Variants in TEX52 observed in about 807,000 individuals in gnomAD.
TEX52 encodes the protein testis expressed 52, also known as testis-expressed protein 52.
In TEX52, 22 loss-of-function variants were observed where a neutral mutation model predicts 17.6. The ratio of observed to expected loss-of-function variants is 1.25; its 90% CI spans 0.89 to 1.78. The LOEUF (loss-of-function observed/expected upper bound fraction) is 1.78, where lower values mean the gene tolerates loss of function less well. Ranked by LOEUF, TEX52 falls within the 40% of genes most tolerant of loss-of-function variation. The pLI is 0.00. For missense variants in TEX52, 396 were observed against 372.3 expected (o/e 1.06, Z -0.52); for synonymous variants, 168 against 147.4 (o/e 1.14, Z -1.01).
chr12:2,853,401 T>C (rs967164414), intron 2 of TEX52, among the ~76,000 whole-genome samples: 3 of 152,036 alleles, frequency 2.0e-5, no homozygotes, highest in Admixed American at 2.0e-4. Flanking sequence ...GCCTCCTGAG[T>C]AGCTGGGATT....
intron 2 of TEX52, among the ~76,000 whole-genome samples, chr12:2,850,693 G>A (rs1020150429): frequency 1.0e-4 from 15 of 150,390 alleles, no homozygotes; most frequent in Non-Finnish European, 2.2e-4. Flanking sequence ...GTTTTGTTGA[G>A]ACAGAGTCTC....
At chr12:2,855,959 G>A (rs779652944) in intron 1 of TEX52, among the ~76,000 whole-genome samples, 20 of 152,022 alleles carry the variant, frequency 1.3e-4, no homozygotes, top group South Asian at 2.1e-4. Context: ...TCATTTGTCC[G>A]TCACTGACGC....
chr12:2,855,207 C>G lies in TEX52; in HGVS notation c.312G>C (p.Leu104=). ...CAGGCTGGGTGGGGAAGGTGGCAGG[C>G]AGACGGCACACATCGAGCCACGTGT... ...GFHTWLDVCR[L]PATFPTQPDR... Residue 104 remains leucine, a synonymous_variant, in exon 2 of 3, where the codon CTG becomes CTC. Coordinates refer to ENST00000637658, the MANE Select transcript of TEX52 (RefSeq NM_001365174.2). The G allele has an allele frequency of 6.6e-7, 1 of 1,505,700 alleles. No individual in the cohort carries two copies. Among genetic ancestry groups the G allele is most frequent in the Non-Finnish European group, 8.9e-7 (1 of 1,128,060 alleles). 93.3% of individuals were successfully genotyped at this position (1,505,700 alleles called of 1,614,324 possible). A position where few individuals can be genotyped will look rare whatever the true frequency, so the allele number is the denominator to read the frequency against.
At chr12:2,853,349 T>G (rs1349923328) in intron 2 of TEX52, among the ~76,000 whole-genome samples, 2 of 152,012 alleles carry the variant, frequency 1.3e-5, no homozygotes, top group African/African-American at 4.8e-5. Flanking sequence ...GTTGGCTCAC[T>G]GCAACCTCCA....
At chr12:2,853,733 T>A (rs987106736) in intron 2 of TEX52, among the ~76,000 whole-genome samples, 4 of 152,156 alleles carry the variant, frequency 2.6e-5, no homozygotes, top group African/African-American at 9.7e-5. Flanking sequence ...TTGTTACTCT[T>A]GCATGCGTAG....
intron 2 of TEX52, among the ~76,000 whole-genome samples, chr12:2,853,134 G>C (rs774131695): frequency 1.1e-4 from 17 of 151,980 alleles, no homozygotes; most frequent in Middle Eastern, 3.4e-3. Flanking sequence ...AGTCTCTCTG[G>C]AGTACTCTAA....
At chr12:2,850,417 G>A (rs1162683103) in intron 2 of TEX52, among the ~76,000 whole-genome samples, 3 of 146,494 alleles carry the variant, frequency 2.0e-5, no homozygotes, top group Non-Finnish European at 4.5e-5. Flanking sequence ...GAGGTTGCAA[G>A]CAGTGAGCCC....
intron 2 of TEX52, 120 bp downstream of exon 2, chr12:2,854,776 G>C: frequency 1.8e-6 from 2 of 1,086,456 alleles, no homozygotes; most frequent in Non-Finnish European, 2.6e-6. Flanking sequence ...AAAGAGTTTG[G>C]TTTTCAGATG....
At chr12:2,848,080 C>G (rs2098058332), downstream of TEX52, among the ~76,000 whole-genome samples, 1 of 152,186 alleles carries the variant, frequency 6.6e-6, no homozygotes, top group Non-Finnish European at 1.5e-5. Context: ...AACCTGAAAG[C>G]CAGAGGGAAT....
chr12:2,848,877 G>GCGCGCA (rs1555092608), downstream of TEX52, among the ~76,000 whole-genome samples: 8 of 140,372 alleles, frequency 5.7e-5, no homozygotes, highest in African/African-American at 1.9e-4. Context: ...ACACACACAC[G>GCGCGCA]CACACACACA....
chr12:2,854,808 G>T (rs1377754230), intron 2 of TEX52, 88 bp downstream of exon 2: 9 of 1,343,656 alleles, frequency 6.7e-6, no homozygotes, highest in Admixed American at 2.5e-5. Context: ...GAAGGACAGA[G>T]TCCCGGTTAG....
At position 2,854,937 on chromosome 12, in the gene TEX52, G is replaced by A. The variant is rs200677988; in HGVS notation, c.582C>T (p.Leu194=). The A allele has an allele frequency of 1.7e-3, 2,634 of 1,535,966 alleles. 3 individuals carry two copies. The highest frequency in any genetic ancestry group is 2.0e-3 in the Non-Finnish European group (2,243 of 1,146,850). ...GCGGCTGGATGTTGCCCTGGGCATC[G>A]AGTGGGGGTGCTCTTGCCTCACTCC... is the stretch of plus-strand genomic sequence containing the variant. The part of the protein sequence containing the change: ...KLRSEARAPP[L]DAQGNIQPPA... The change falls in exon 2 of 3, where the codon CTC becomes CTT. Residue 194 remains leucine, a synonymous_variant. Transcript: ENST00000637658.
Position 2,854,968 on chromosome 12 carries a change from T to C in TEX52, c.551A>G (p.Lys184Arg). 3.3e-6 allele frequency: 5 copies of C among 1,536,222 alleles called. No individual in the cohort carries two copies. Among genetic ancestry groups the C allele is most frequent in the Non-Finnish European group, 4.4e-6 (5 of 1,146,934 alleles). The change falls in exon 2 of 3, where the codon AAG becomes AGG. Residue 184 changes from lysine (K) to arginine (R), a missense_variant. Lys to Arg is a conservative substitution (Grantham distance 26). Coordinates refer to ENST00000637658, the MANE Select transcript of TEX52 (RefSeq NM_001365174.2). The part of the protein sequence containing the change: ...VKELKEVEKL[K>R]LRSEARAPPL... ...GGGTGCTCTTGCCTCACTCCTCAAC[T>C]TGAGCTTCTCCACCTCCTTCAACTC...
Position 2,855,296 on chromosome 12 carries a change from A to G in TEX52, c.223T>C (p.Ser75Pro). Residue 75 changes from serine to proline, a missense_variant, in exon 2 of 3, where the codon TCC (serine) becomes CCC (proline). By Grantham distance (74) the Ser-to-Pro change is moderately conservative. Transcript: ENST00000637658. ...TGGATGAGCCGCTGACGCACCTTGG[A>G]CTTCATATCTGTGCAGGGCGGCAGC... ...LKLPPCTDMKSKVRQRLIHPW... is the reference protein window; with the variant it reads ...LKLPPCTDMKPKVRQRLIHPW... 1 of 1,524,266 alleles carries G rather than the reference A, an allele frequency of 6.6e-7. No individual in the cohort carries two copies. The allele number at this position is 1,524,266 out of a possible 1,614,324, so 94.4% of individuals were successfully genotyped here.
downstream of TEX52, among the ~76,000 whole-genome samples, chr12:2,848,799 G>A (rs2098060319): frequency 6.6e-6 from 1 of 151,880 alleles, no homozygotes; most frequent in Admixed American, 6.6e-5. Flanking sequence ...TTCCCAATGG[G>A]TTATGAGAGT....
chr12:2,854,496 C>G (rs1168009301), intron 2 of TEX52, among the ~76,000 whole-genome samples: 2 of 152,242 alleles, frequency 1.3e-5, no homozygotes, highest in Non-Finnish European at 2.9e-5. Flanking sequence ...GGCCTTCGGG[C>G]TACAGCTTTC....
intron 2 of TEX52, among the ~76,000 whole-genome samples, chr12:2,851,046 A>G (rs2098069234): frequency 7.5e-6 from 1 of 132,956 alleles, no homozygotes; most frequent in Admixed American, 8.1e-5. Context: ...ACGTGCCTGT[A>G]ATCCCAGCTA....
At chr12:2,852,368 T>G (rs2098073778) in intron 2 of TEX52, among the ~76,000 whole-genome samples, 1 of 151,012 alleles carries the variant, frequency 6.6e-6, no homozygotes, top group South Asian at 2.1e-4. Flanking sequence ...CTGTGGGAAC[T>G]GTTTTTTTTT....
downstream of TEX52, among the ~76,000 whole-genome samples, chr12:2,848,555 G>C (rs1364435873): frequency 6.6e-6 from 1 of 152,086 alleles, no homozygotes; most frequent in Non-Finnish European, 1.5e-5. Flanking sequence ...GTTCTACTTT[G>C]TTCTACTCTT....
Sources: allele counts gnomAD v4.1 joint callset (sites outside exome capture counted in the v4.1 genomes callset), GRCh38; gene constraint gnomAD v4.1.1; transcripts MANE v1.5; gene names NCBI Gene and HGNC (gene_info 2026-07-23, HGNC 2026-07-21).